Variants in ANKZF1 observed in about 807,000 individuals in gnomAD.
ANKZF1 encodes the protein tRNA endonuclease ANKZF1.
A neutral mutation model predicts 86.0 loss-of-function variants in ANKZF1; 84 were observed. The ratio of observed to expected loss-of-function variants is 0.98; its 90% CI spans 0.82 to 1.17. The LOEUF (loss-of-function observed/expected upper bound fraction) is 1.17, where lower values mean the gene tolerates loss of function less well. ANKZF1 is among the 50% of genes most tolerant of loss of function. The probability of loss-of-function intolerance (pLI) is 0.00; values close to 1 mark genes in which losing one functional copy is unlikely to be tolerated. For synonymous variants in ANKZF1, 331 were observed against 354.2 expected, an observed-to-expected ratio of 0.93 and a Z score of 0.74; for missense variants, 893 against 918.4, an observed-to-expected ratio of 0.97 and a Z score of 0.36.
In ANKZF1 at chr2:219,233,209, G is replaced by A. The variant is rs1951093841; in HGVS notation, c.671+18G>A. On this transcript the variant is annotated intron_variant, in intron 6 of 13. Coordinates refer to ENST00000323348, the MANE Select transcript of ANKZF1 (RefSeq NM_018089.3). ...TTTCAAGGGTGAGAGGGTGCTGCATGGGGGTAAGGATGGAGTGGATCCTGT... is the reference window on the plus strand; with the variant it reads ...TTTCAAGGGTGAGAGGGTGCTGCATAGGGGTAAGGATGGAGTGGATCCTGT... The A allele has an allele frequency of 6.2e-7, 1 of 1,614,092 alleles. No individual in the cohort carries two copies. The highest frequency in any genetic ancestry group is 1.7e-5 in the Admixed American group (1 of 60,008).
chr2:219,236,595 G>GTT lies in ANKZF1; in HGVS notation c.*151_*152insTT, dbSNP rs1284948426. On this transcript the variant is annotated 3_prime_UTR_variant, in exon 14 of 14. Coordinates refer to ENST00000323348, the MANE Select transcript of ANKZF1 (RefSeq NM_018089.3). Reference sequence around the variant, plus strand: ...AACTAGGGCAAAGACAGGGCTAGAGGTATGTGGAGCTGGTACTGTCTCTGG... The same window carrying GTT: ...AACTAGGGCAAAGACAGGGCTAGAGGTTTATGTGGAGCTGGTACTGTCTCTGG... The GTT allele has an allele frequency of 8.7e-6, 9 of 1,033,338 alleles. No homozygotes were observed. The highest frequency in any genetic ancestry group is 1.2e-5 in the Non-Finnish European group (9 of 726,840). 64.0% of individuals were successfully genotyped at this position (1,033,338 alleles called of 1,614,324 possible).
chr2:219,235,843 C>T lies in ANKZF1; in HGVS notation c.1939C>T (p.Arg647Trp), dbSNP rs747712997. ...GGAGGAGCGTGAACGAGAAGAGCAG[C>T]GGCGATTTGCCGCCCTCAGTGACCG... ...EQEEREREEQ[R>W]RFAALSDREK... The change falls in exon 12 of 14, where the codon CGG becomes TGG. Residue 647 changes from arginine to tryptophan, a missense_variant. Arg to Trp is a moderately radical substitution (Grantham distance 101). Coordinates refer to ENST00000323348, the MANE Select transcript of ANKZF1 (RefSeq NM_018089.3). 35 of 1,614,064 alleles carry T rather than the reference C, an allele frequency of 2.2e-5. No individual in the cohort carries two copies. The South Asian group carries it at 3.4e-4, about 16-fold the overall frequency.
chr2:219,230,402 T>G lies in ANKZF1; in HGVS notation c.145T>G (p.Ser49Ala). 3.7e-6 allele frequency: 6 copies of G among 1,606,138 alleles called. No individual in the cohort carries two copies. The highest frequency in any genetic ancestry group is 5.1e-6 in the Non-Finnish European group (6 of 1,174,134). The change falls in exon 2 of 14, where the codon TCA becomes GCA. Residue 49 changes from serine to alanine, a missense_variant. Ser to Ala is a moderately conservative substitution (Grantham distance 99). Coordinates refer to ENST00000323348, the MANE Select transcript of ANKZF1 (RefSeq NM_018089.3). ...GGCCCGGGCTCCGCGTACTTCCTGTTCAGGTATCCTGGAAGGTTTCGTGTG... is the reference window on the plus strand; with the variant it reads ...GGCCCGGGCTCCGCGTACTTCCTGTGCAGGTATCCTGGAAGGTTTCGTGTG... ...ALARAPRTSC[S>A]GSGERESPER...
intron 13 of ANKZF1, 39 bp downstream of exon 13, chr2:219,236,134 G>C: frequency 2.5e-6 from 4 of 1,612,382 alleles, no homozygotes; most frequent in Middle Eastern, 1.7e-4. Flanking sequence ...GGACTGTAAT[G>C]TTGCAGGGAC....
intron 9 of ANKZF1, chr2:219,234,609 C>T (rs7574937): frequency 0.12 from 83,466 of 691,346 alleles, 5,997 homozygotes; most frequent in African/African-American, 0.22. Context: ...TTGTGCGGCA[C>T]CCTAAGGCTA....
At position 219,230,224 on chromosome 2, in the gene ANKZF1, C is replaced by G; in HGVS notation, c.-30-4C>G. On this transcript the variant is annotated splice_region_variant and splice_polypyrimidine_tract_variant and intron_variant, in intron 1 of 13. Transcript: ENST00000323348. ...CCCTGTTTCTTACACGCTTTCTACT[C>G]CAGGAGCTGCTGCTAAATAATTTCT... is the stretch of plus-strand genomic sequence containing the variant. The G allele has an allele frequency of 6.2e-7, 1 of 1,605,410 alleles. No individual in the cohort carries two copies. Among genetic ancestry groups the G allele is most frequent in the South Asian group, 1.1e-5 (1 of 90,524 alleles).
chr2:219,233,887 C>A lies in ANKZF1; in HGVS notation c.992C>A (p.Pro331His). Residue 331 changes from proline (P) to histidine (H), a missense_variant, in exon 8 of 14, where the codon CCC (proline) becomes CAC (histidine). Pro to His is a moderately conservative substitution (Grantham distance 77). Transcript: ENST00000323348. ...LWDIPLATRR[P>H]TFQELQRVLH... ...GATATCCCCCTCGCCACCCGCAGAC[C>A]CACCTTCCAAGAGCTACAGCGTGTG... 1.2e-6 allele frequency: 2 copies of A among 1,609,842 alleles called. No individual in the cohort carries two copies. Among genetic ancestry groups the A allele is most frequent in the South Asian group, 2.2e-5 (2 of 90,534 alleles).
rs74561615 is a variant in ANKZF1 at position 219,229,829 on chromosome 2, G to A, written c.-102G>A. The A allele has an allele frequency of 0.1, 16,644 of 166,034 alleles. 1,039 individuals carry two copies. Among genetic ancestry groups the A allele is most frequent in the Middle Eastern group, 0.17 (55 of 328 alleles). The allele number at this position is 166,034 out of a possible 1,614,324, so 10.3% of individuals were successfully genotyped here. Reference sequence around the variant, plus strand: ...TCCTCTTCGCTGCTCCGTAGTGACGGGGATTGTTGTGTTGCAGAAATCCGG... The same window carrying A: ...TCCTCTTCGCTGCTCCGTAGTGACGAGGATTGTTGTGTTGCAGAAATCCGG... On this transcript the variant is annotated 5_prime_UTR_variant, in exon 1 of 14. Transcript: ENST00000323348. The surrounding 1 kb of genome is among the most constrained non-coding windows in gnomAD (Gnocchi z 4.2).
intron 2 of ANKZF1, chr2:219,231,705 A>G (rs1028037873): frequency 4.3e-6 from 2 of 470,406 alleles, no homozygotes; most frequent in African/African-American, 4.0e-5. Flanking sequence ...ATTTTATTTT[A>G]TTTACATTCA....
intron 7 of ANKZF1, 110 bp from the exon 8 acceptor site, chr2:219,233,605 G>A (rs1951111558): frequency 5.7e-6 from 8 of 1,409,762 alleles, no homozygotes; most frequent in South Asian, 1.4e-5. Flanking sequence ...TTCTTTCTCC[G>A]TGTTATCCTC....
chr2:219,234,135 G>A lies in ANKZF1; in HGVS notation c.1051G>A (p.Glu351Lys), dbSNP rs375422658. The change falls in exon 9 of 14, where the codon GAA becomes AAA. Residue 351 changes from glutamate to lysine, a missense_variant and splice_region_variant. By Grantham distance (56) the Glu-to-Lys change is moderately conservative (BLOSUM62 1). Coordinates refer to ENST00000323348, the MANE Select transcript of ANKZF1 (RefSeq NM_018089.3). ...AAAGATCTTTTCTTTTATGGCAGAA[G>A]AAGACCCTCGGGAAGCAGTCAGACT... ...HKLTTLHVYE[E>K]DPREAVRLHS... is the part of the protein sequence containing the mutation. 1.6e-5 allele frequency: 26 copies of A among 1,608,204 alleles called. No homozygotes were observed. In the African/African-American group the frequency reaches 3.1e-4, roughly 19 times the overall value.
Position 219,234,857 on chromosome 2 carries a change from G to C in ANKZF1, c.1236G>C (p.Gln412His). 6.2e-7 allele frequency: 1 copy of C among 1,613,412 alleles called. No homozygotes were observed. Among genetic ancestry groups the C allele is most frequent in the South Asian group, 1.1e-5 (1 of 91,068 alleles). The change falls in exon 10 of 14, where the codon CAG (glutamine) becomes CAC (histidine). Residue 412 changes from glutamine (Q) to histidine (H), a missense_variant. Coordinates refer to ENST00000323348, the MANE Select transcript of ANKZF1 (RefSeq NM_018089.3). ...GSGSEGEDGFQVELELVELTV... is the reference protein window; with the variant it reads ...GSGSEGEDGFHVELELVELTV... Reference sequence around the variant, plus strand: ...GGTCGGAGGGAGAAGATGGCTTTCAGGTAGAGTTGGAGCTAGTGGAGTTGA... The same window carrying C: ...GGTCGGAGGGAGAAGATGGCTTTCACGTAGAGTTGGAGCTAGTGGAGTTGA...
chr2:219,231,871 C>A, intron 2 of ANKZF1, 57 bp from the exon 3 acceptor site: 1 of 1,380,964 alleles, frequency 7.2e-7, no homozygotes, highest in Non-Finnish European at 1.0e-6. Flanking sequence ...GAATATAATT[C>A]TTGTCACTGT....
chr2:219,234,089 T>C (rs1418250771), intron 8 of ANKZF1, 44 bp from the exon 9 acceptor site: 1 of 1,589,992 alleles, frequency 6.3e-7, no homozygotes. Flanking sequence ...CTGCGCTAGC[T>C]TCTCCTCAGC....
rs1422109856 is a variant in ANKZF1 at position 219,232,243 on chromosome 2, CTT to C, written c.262-15_262-14del. The stretch of plus-strand genomic sequence containing the variant: ...GGCATATTTCCACCTTTATCTCACT[CTT>C]TGTCTTTGTACTAGAGGGAACATTA... On this transcript the variant is annotated splice_polypyrimidine_tract_variant and intron_variant, in intron 3 of 13. Coordinates refer to ENST00000323348, the MANE Select transcript of ANKZF1 (RefSeq NM_018089.3). 1.2e-6 allele frequency: 2 copies of C among 1,611,962 alleles called. No individual in the cohort carries two copies. Among genetic ancestry groups the C allele is most frequent in the South Asian group, 1.1e-5 (1 of 91,036 alleles).
intron 2 of ANKZF1, 55 bp downstream of exon 2, chr2:219,230,460 C>A: frequency 2.0e-6 from 3 of 1,533,240 alleles, no homozygotes; most frequent in Non-Finnish European, 2.6e-6. Context: ...GCGTATTGCC[C>A]GTTCAGGGAA....
rs376170556 is a variant in ANKZF1 at position 219,235,781 on chromosome 2, G to C, written c.1877G>C (p.Arg626Pro). The change falls in exon 12 of 14, where the codon CGG becomes CCG. Residue 626 changes from arginine to proline, a missense_variant. Arg to Pro is a moderately radical substitution (Grantham distance 103, BLOSUM62 -2). Coordinates refer to ENST00000323348, the MANE Select transcript of ANKZF1 (RefSeq NM_018089.3). ...AAAAGGGAGCAGAAGGCAGCCCGGC[G>C]GCAACGGGAGGAACAGCAGCAGAGG... Reference protein sequence around the residue: ...TRKREQKAARRQREEQQQRQQ... With the variant: ...TRKREQKAARPQREEQQQRQQ... 2 of 1,614,082 alleles carry C rather than the reference G, an allele frequency of 1.2e-6. No individual in the cohort carries two copies. The highest frequency in any genetic ancestry group is 1.7e-6 in the Non-Finnish European group (2 of 1,180,052).
At chr2:219,231,736 A>G (rs1161169168) in intron 2 of ANKZF1, 192 bp from the exon 3 acceptor site, 5 of 544,890 alleles carry the variant, frequency 9.2e-6, no homozygotes, top group African/African-American at 7.6e-5. Context: ...ATGTTTTCAG[A>G]AGCATGTTTA....
At chr2:219,235,908 G>A in intron 12 of ANKZF1, 33 bp downstream of exon 12, 1 of 1,613,768 alleles carries the variant, frequency 6.2e-7, no homozygotes, top group South Asian at 1.1e-5. Flanking sequence ...CCATGGCAAG[G>A]CTTCCTAGAG....
Sources: gnomAD v4.1 joint callset for allele counts on GRCh38, gnomAD v4.1.1 for gene constraint, Gnocchi (gnomAD v3.1) non-coding constraint, MANE v1.5 for transcripts, NCBI Gene and HGNC (gene_info 2026-07-23, HGNC 2026-07-21) for gene names.